Variants in SGCD observed in about 807,000 individuals in gnomAD.
SGCD encodes delta-sarcoglycan.
In SGCD, 18 loss-of-function variants were observed where a neutral mutation model predicts 36.6. That is an observed-to-expected ratio of 0.49 (90% CI 0.34 to 0.73). The LOEUF (loss-of-function observed/expected upper bound fraction) is 0.73. Among genes scored for constraint, SGCD ranks in the 30% least tolerant of loss-of-function variants. SGCD has a pLI of 0.01. For synonymous variants in SGCD, 133 were observed against 130.6 expected, an observed-to-expected ratio of 1.02 and a Z score of -0.12; for missense variants, 387 against 346.7, an observed-to-expected ratio of 1.12 and a Z score of -0.92.
chr5:155,944,440 A>T (rs973289165), intron 1 of SGCD, among the ~76,000 whole-genome samples: 2 of 152,122 alleles, frequency 1.3e-5, no homozygotes, highest in Non-Finnish European at 1.5e-5. Flanking sequence ...CTCAAATTGC[A>T]CTGTTCTCTA....
At chr5:156,750,458 G>A (rs1179062864) in intron 7 of SGCD, among the ~76,000 whole-genome samples, 1 of 152,012 alleles carries the variant, frequency 6.6e-6, no homozygotes, top group Non-Finnish European at 1.5e-5. Context: ...GGCCCAGGCA[G>A]GCAGATCACT....
chr5:155,955,338 T>C (rs1581010395), intron 1 of SGCD, among the ~76,000 whole-genome samples: 1 of 152,170 alleles, frequency 6.6e-6, no homozygotes, highest in Non-Finnish European at 1.5e-5. Context: ...GTGGCTGGAC[T>C]AGAGTAAGTG....
intron 1 of SGCD, among the ~76,000 whole-genome samples, chr5:155,907,231 A>T (rs1239974690): frequency 6.9e-6 from 1 of 145,610 alleles, no homozygotes; most frequent in Non-Finnish European, 1.5e-5. Flanking sequence ...AGAGATTATT[A>T]AAAAAAAAAA....
the SGCD span, among the ~76,000 whole-genome samples, chr5:155,838,524 G>T: frequency 1.3e-5 from 2 of 152,036 alleles, no homozygotes; most frequent in Non-Finnish European, 2.9e-5. Context: ...TGGAAGTTAG[G>T]TTAGAGTAGC....
intron 3 of SGCD, among the ~76,000 whole-genome samples, chr5:156,481,810 T>G (rs1755441857): frequency 1.3e-5 from 2 of 152,080 alleles, no homozygotes; most frequent in African/African-American, 2.4e-5. Flanking sequence ...AGGATCAGGG[T>G]CGGAACCCAG....
chr5:156,464,590 G>A (rs1220017416), intron 3 of SGCD, among the ~76,000 whole-genome samples: 2 of 152,080 alleles, frequency 1.3e-5, no homozygotes, highest in African/African-American at 2.4e-5. Context: ...GAAATATAGG[G>A]AACTGTTTCT....
At chr5:156,511,554 A>G (rs535598707) in intron 4 of SGCD, among the ~76,000 whole-genome samples, 4 of 152,332 alleles carry the variant, frequency 2.6e-5, no homozygotes, top group Non-Finnish European at 4.4e-5. Flanking sequence ...AAAATGCATT[A>G]TTAGGTGTTT....
intron 3 of SGCD, among the ~76,000 whole-genome samples, chr5:156,279,968 T>C (rs951155466): frequency 2.2e-4 from 34 of 151,818 alleles, no homozygotes; most frequent in African/African-American, 8.0e-4. Flanking sequence ...ATGAATACTG[T>C]TGAAACACAC....
At position 156,352,134 on chromosome 5, in the gene SGCD, A is replaced by G. The variant is rs1179220679; in HGVS notation, c.192+7457A>G. Among the ~76,000 whole-genome samples the G allele has an allele frequency of 3.3e-5, 5 of 152,310 alleles. No homozygotes were observed. In the East Asian group the frequency reaches 9.6e-4, roughly 29 times the overall value. On this transcript the variant is annotated intron_variant, in intron 3 of 8. Coordinates refer to ENST00000337851, the MANE Select transcript of SGCD (RefSeq NM_000337.6). ...CAATCAGAATAACCTGGCCTCAAAG[A>G]CCTTCCAAAATACTGTAGTATTGAT...
At chr5:156,704,273 T>A (rs746607294) in intron 7 of SGCD, 4 of 152,158 alleles carry the variant, frequency 2.6e-5, no homozygotes, top group Non-Finnish European at 5.9e-5. Context: ...ATTTCATTCA[T>A]CTCTGAAAGA....
intron 3 of SGCD, among the ~76,000 whole-genome samples, chr5:156,353,740 A>T (rs2127724439): frequency 6.6e-6 from 1 of 152,330 alleles, no homozygotes. Context: ...CATCCATCTG[A>T]AAAATGGCCA....
At chr5:155,760,248 A>C in the SGCD span, among the ~76,000 whole-genome samples, 1 of 145,490 alleles carries the variant, frequency 6.9e-6, no homozygotes, top group African/African-American at 2.6e-5. Context: ...CATCTCCATC[A>C]CCCTCTCCAT....
intron 1 of SGCD, among the ~76,000 whole-genome samples, chr5:156,039,665 G>T (rs1759587718): frequency 6.6e-6 from 1 of 152,172 alleles, no homozygotes; most frequent in Admixed American, 6.5e-5. Context: ...TAGACTTAAA[G>T]AATTGTATGT....
intron 6 of SGCD, among the ~76,000 whole-genome samples, chr5:156,598,804 C>T (rs1233887099): frequency 6.6e-6 from 1 of 152,194 alleles, no homozygotes; most frequent in Non-Finnish European, 1.5e-5. Flanking sequence ...CAGAACTTAA[C>T]CTCTACCCTA....
At chr5:156,248,111 G>GT (rs557504425) in intron 3 of SGCD, among the ~76,000 whole-genome samples, 1 of 152,264 alleles carries the variant, frequency 6.6e-6, no homozygotes, top group East Asian at 1.9e-4. Flanking sequence ...TGTGTAGTAT[G>GT]TTTATGTATG....
intron 3 of SGCD, among the ~76,000 whole-genome samples, chr5:156,177,905 G>A (rs1462046975): frequency 6.6e-6 from 1 of 152,132 alleles, no homozygotes; most frequent in Non-Finnish European, 1.5e-5. Context: ...GCAGCATTAA[G>A]GATGAGGACT....
chr5:156,179,562 T>C (rs969110383), intron 3 of SGCD, among the ~76,000 whole-genome samples: 1 of 152,040 alleles, frequency 6.6e-6, no homozygotes, highest in Non-Finnish European at 1.5e-5. Context: ...GCCCTCCATA[T>C]AGATTGTGTA....
the SGCD span, among the ~76,000 whole-genome samples, chr5:155,835,732 CAG>C: frequency 6.6e-6 from 1 of 152,160 alleles, no homozygotes; most frequent in Non-Finnish European, 1.5e-5. Context: ...CGCCTAATGA[CAG>C]AAAACACTTT....
intron 1 of SGCD, among the ~76,000 whole-genome samples, chr5:155,891,395 T>C (rs1756126046): frequency 6.6e-6 from 1 of 152,092 alleles, no homozygotes; most frequent in Admixed American, 6.5e-5. Context: ...AGTTTTGCCA[T>C]TCGTAAATTA....
Sources: gnomAD v4.1 joint callset for allele counts (sites outside exome capture counted in the v4.1 genomes callset) on GRCh38, gnomAD v4.1.1 for gene constraint, MANE v1.5 for transcripts, NCBI Gene and HGNC (gene_info 2026-07-23, HGNC 2026-07-21) for gene names.